CTTNBP2: variants seen among roughly 807,000 people sequenced by gnomAD.
CTTNBP2 encodes the protein cortactin binding protein 2.
Under a neutral mutation model 156.9 loss-of-function variants are expected in CTTNBP2, and 108 were observed. That is an observed-to-expected ratio of 0.69 (90% CI 0.59 to 0.81). The LOEUF (loss-of-function observed/expected upper bound fraction) is 0.81. CTTNBP2 is among the 30% of genes least tolerant of loss of function. CTTNBP2 has a pLI of 0.00. For missense variants in CTTNBP2, 1,924 were observed against 2,035.4 expected, an observed-to-expected ratio of 0.95 and a Z score of 1.05; for synonymous variants, 767 against 751.8, an observed-to-expected ratio of 1.02 and a Z score of -0.33.
intron 2 of CTTNBP2, among the ~76,000 whole-genome samples, chr7:117,840,285 AAAGT>A (rs1802193047): frequency 6.6e-6 from 1 of 152,114 alleles, no homozygotes; most frequent in South Asian, 2.1e-4. Flanking sequence ...AAAAAGTTGA[AAAGT>A]AAGGGGATAT....
intron 3 of CTTNBP2, among the ~76,000 whole-genome samples, chr7:117,799,318 A>G (rs1291925812): frequency 1.3e-5 from 2 of 152,030 alleles, no homozygotes; most frequent in African/African-American, 4.8e-5. Context: ...AAAGGTGACC[A>G]TGTGAGATTT....
intron 14 of CTTNBP2, among the ~76,000 whole-genome samples, chr7:117,735,706 T>C (rs2116492643): frequency 6.6e-6 from 1 of 152,296 alleles, no homozygotes; most frequent in South Asian, 2.1e-4. Flanking sequence ...TAAGAGTATG[T>C]TCATACAACA....
intron 10 of CTTNBP2, among the ~76,000 whole-genome samples, chr7:117,759,261 C>G (rs1797059578): frequency 6.6e-6 from 1 of 151,944 alleles, no homozygotes. Context: ...GTGCATGTGA[C>G]CGCACCCACC....
At chr7:117,777,432 T>G in intron 8 of CTTNBP2, 79 bp downstream of exon 8, 1 of 1,403,112 alleles carries the variant, frequency 7.1e-7, no homozygotes. Context: ...TCAATTTAAG[T>G]GCACTTAATC....
chr7:117,722,472 AAAG>A (rs1166793422), intron 19 of CTTNBP2, among the ~76,000 whole-genome samples: 3 of 152,302 alleles, frequency 2.0e-5, no homozygotes, highest in East Asian at 3.9e-4. Flanking sequence ...TTATTCTGTC[AAAG>A]AAGTTCATGC....
At chr7:117,724,162 G>T (rs1794955762) in intron 19 of CTTNBP2, among the ~76,000 whole-genome samples, 1 of 151,978 alleles carries the variant, frequency 6.6e-6, no homozygotes, top group Non-Finnish European at 1.5e-5. Context: ...TATCAAATAT[G>T]TCTCTACACA....
chr7:117,771,069 G>T (rs1341793597), intron 8 of CTTNBP2, among the ~76,000 whole-genome samples: 1 of 152,184 alleles, frequency 6.6e-6, no homozygotes, highest in African/African-American at 2.4e-5. Context: ...AATGGGGACT[G>T]GAGAATGCTG....
intron 14 of CTTNBP2, among the ~76,000 whole-genome samples, chr7:117,744,025 A>G (rs530180020): frequency 6.6e-6 from 1 of 152,128 alleles, no homozygotes; most frequent in South Asian, 2.1e-4. Flanking sequence ...TCTTTTTTAA[A>G]AAAAAATTGT....
At chr7:117,755,786 G>T (rs1258249866) in intron 12 of CTTNBP2, among the ~76,000 whole-genome samples, 1 of 152,088 alleles carries the variant, frequency 6.6e-6, no homozygotes, top group Non-Finnish European at 1.5e-5. Context: ...GTTTTAGGTG[G>T]GTGCACAATT....
At chr7:117,848,590 C>T (rs1802744766) in intron 2 of CTTNBP2, among the ~76,000 whole-genome samples, 1 of 152,142 alleles carries the variant, frequency 6.6e-6, no homozygotes, top group Non-Finnish European at 1.5e-5. Context: ...CTTTTTTCTA[C>T]CTTATAAACA....
intron 8 of CTTNBP2, among the ~76,000 whole-genome samples, chr7:117,774,886 T>C (rs752316702): frequency 1.3e-5 from 2 of 152,184 alleles, no homozygotes; most frequent in Non-Finnish European, 2.9e-5. Flanking sequence ...TTTTTACCAA[T>C]GCAATGACTA....
At chr7:117,777,474 A>G (rs1308771801) in intron 8 of CTTNBP2, 37 bp downstream of exon 8, 1 of 1,590,486 alleles carries the variant, frequency 6.3e-7, no homozygotes, top group African/African-American at 1.3e-5. Context: ...TCATCAAATT[A>G]CAGCTGCATG....
chr7:117,813,019 T>G (rs1287441266), intron 2 of CTTNBP2, among the ~76,000 whole-genome samples: 1 of 152,148 alleles, frequency 6.6e-6, no homozygotes, highest in African/African-American at 2.4e-5. Context: ...CTTCTCCTCC[T>G]CTTTCTAAGC....
At chr7:117,806,817 T>A (rs1188019495) in intron 3 of CTTNBP2, among the ~76,000 whole-genome samples, 10 of 150,912 alleles carry the variant, frequency 6.6e-5, no homozygotes, top group Non-Finnish European at 1.0e-4. Flanking sequence ...GGAGTGCAAT[T>A]GTGCGATCTC....
rs77621714 is a variant in CTTNBP2, at chr7:117,855,973, G to A, written c.189+5236C>T. ...TAGGTATTCATCAAATCCTTATTGAGGAAGGAAGGAGGGAAAGATCTATCT... is the reference window on the plus strand; with the variant it reads ...TAGGTATTCATCAAATCCTTATTGAAGAAGGAAGGAGGGAAAGATCTATCT... On this transcript the variant is annotated intron_variant, in intron 2 of 22. Transcript: ENST00000160373. 8.0e-3 allele frequency among the ~76,000 whole-genome samples: 1,224 copies of A among 152,194 alleles called. 25 individuals are homozygous for A. The highest frequency in any genetic ancestry group is 0.028 in the African/African-American group (1,176 of 41,522).
chr7:117,721,342 C>T (rs1481990932), intron 19 of CTTNBP2, among the ~76,000 whole-genome samples: 2 of 152,186 alleles, frequency 1.3e-5, no homozygotes, highest in East Asian at 1.9e-4. Flanking sequence ...CCAACTCCCT[C>T]GAGTACATTT....
intron 2 of CTTNBP2, among the ~76,000 whole-genome samples, chr7:117,839,123 C>G (rs1349260333): frequency 6.6e-6 from 1 of 152,052 alleles, no homozygotes; most frequent in African/African-American, 2.4e-5. Context: ...AAAGTGGGAA[C>G]CTGCCTGTAA....
chr7:117,827,395 A>G (rs1390921310), intron 2 of CTTNBP2, among the ~76,000 whole-genome samples: 1 of 152,172 alleles, frequency 6.6e-6, no homozygotes, highest in East Asian at 1.9e-4. Flanking sequence ...TGTTCTCATC[A>G]TTATGACTGC....
At position 117,717,946 on chromosome 7, in the gene CTTNBP2, T is replaced by G. The variant is rs111337122; in HGVS notation, c.4746+72A>C. Reference sequence around the variant, plus strand: ...AAAAAAATAACTCTGTGATTCACACTGAAAGATGATTTGTGAAGTCAATTC... The same window carrying G: ...AAAAAAATAACTCTGTGATTCACACGGAAAGATGATTTGTGAAGTCAATTC... On this transcript the variant is annotated intron_variant, in intron 22 of 22. Transcript: ENST00000160373. 4.3e-5 allele frequency: 41 copies of G among 946,622 alleles called. No individual in the cohort carries two copies. In the African/African-American group the frequency reaches 5.3e-4, roughly 12 times the overall value. The allele number at this position is 946,622 out of a possible 1,614,324, so 58.6% of individuals were successfully genotyped here.
Sources: gnomAD v4.1 joint callset for allele counts (sites outside exome capture counted in the v4.1 genomes callset) on GRCh38, gnomAD v4.1.1 for gene constraint, MANE v1.5 for transcripts, NCBI Gene and HGNC (gene_info 2026-07-23, HGNC 2026-07-21) for gene names.